The following SLCO1A2 variants were observed in gnomAD, a reference collection of about 807,000 sequenced individuals.
SLCO1A2 encodes the protein solute carrier organic anion transporter family member 1A2.
A neutral mutation model predicts 69.0 loss-of-function variants in SLCO1A2; 67 were observed. The observed-to-expected ratio is 0.97, with a 90% CI of 0.80 to 1.19. The LOEUF (loss-of-function observed/expected upper bound fraction) is 1.19, where lower values mean the gene tolerates loss of function less well. SLCO1A2 is among the 50% of genes most tolerant of loss of function. The pLI, the probability that SLCO1A2 is intolerant of heterozygous loss-of-function variation, is 0.00. For missense variants in SLCO1A2, 787 were observed against 793.7 expected (o/e 0.99, Z 0.10); for synonymous variants, 260 against 265.9 (o/e 0.98, Z 0.22).
intron 2 of SLCO1A2, among the ~76,000 whole-genome samples, chr12:21,342,828 T>C (rs890300953): frequency 4.3e-4 from 65 of 151,992 alleles, no homozygotes; most frequent in African/African-American, 1.5e-3. Context: ...ACTGAATATA[T>C]GGGATGAAAG....
At chr12:21,321,030 G>A (rs1951541564) in intron 2 of SLCO1A2, among the ~76,000 whole-genome samples, 1 of 152,098 alleles carries the variant, frequency 6.6e-6, no homozygotes, top group African/African-American at 2.4e-5. Context: ...CTACAGGCTG[G>A]TGTTTCTTGA....
At chr12:21,406,551 T>C (rs1395668895) in intron 1 of SLCO1A2, among the ~76,000 whole-genome samples, 1 of 152,160 alleles carries the variant, frequency 6.6e-6, no homozygotes, top group African/African-American at 2.4e-5. Flanking sequence ...GAGTTAACAG[T>C]TGTTGAATAT....
At chr12:21,393,863 A>G (rs1941285076) in intron 1 of SLCO1A2, among the ~76,000 whole-genome samples, 1 of 152,248 alleles carries the variant, frequency 6.6e-6, no homozygotes, top group African/African-American at 2.4e-5. Context: ...TTGCAACACA[A>G]TTTGAATTTT....
At chr12:21,290,579 T>C (rs1352189287) in intron 12 of SLCO1A2, among the ~76,000 whole-genome samples, 1 of 152,162 alleles carries the variant, frequency 6.6e-6, no homozygotes, top group Non-Finnish European at 1.5e-5. Flanking sequence ...CACTATGATT[T>C]TGGAAAACAA....
At chr12:21,311,425 AT>A (rs1565490608) in intron 4 of SLCO1A2, among the ~76,000 whole-genome samples, 1 of 151,972 alleles carries the variant, frequency 6.6e-6, no homozygotes, top group Non-Finnish European at 1.5e-5. Context: ...ATCACTATTT[AT>A]AACAGCAATA....
chr12:21,295,988 T>C (rs1310708894), intron 9 of SLCO1A2, among the ~76,000 whole-genome samples, 196 bp from the exon 10 acceptor site: 1 of 152,144 alleles, frequency 6.6e-6, no homozygotes, highest in Non-Finnish European at 1.5e-5. Flanking sequence ...AATGGGGAAG[T>C]ATATTTTGGG....
intron 1 of SLCO1A2, among the ~76,000 whole-genome samples, chr12:21,401,141 A>G (rs943957572): frequency 2.6e-5 from 4 of 152,058 alleles, no homozygotes; most frequent in African/African-American, 9.7e-5. Flanking sequence ...AGAAAATGAG[A>G]AAATGAAAAT....
In SLCO1A2 at chr12:21,269,562, T is replaced by C. The variant is rs994316244; in HGVS notation, c.1999A>G (p.Lys667Glu). The change falls in exon 15 of 15, where the codon AAA becomes GAA. Residue 667 changes from lysine to glutamate, a missense_variant. Physicochemically the swap from Lys to Glu is moderately conservative, Grantham distance 56. Coordinates refer to ENST00000683939, the MANE Select transcript of SLCO1A2 (RefSeq NM_001386879.1). ...TAATAGGACAATTACAATTTAGTTT[T>C]CAATTCATCATCTTTCAAAACCGTG... ...KSTVLKDDEL[K>E]TKL The C allele has an allele frequency of 1.2e-6, 2 of 1,610,002 alleles. No homozygotes were observed. The highest frequency in any genetic ancestry group is 1.3e-5 in the African/African-American group (1 of 74,728).
intron 2 of SLCO1A2, among the ~76,000 whole-genome samples, chr12:21,320,363 C>T (rs1471463904): frequency 6.6e-6 from 1 of 152,150 alleles, no homozygotes; most frequent in East Asian, 1.9e-4. Flanking sequence ...TTGCCTATGT[C>T]TTTAGAAAGA....
intron 12 of SLCO1A2, among the ~76,000 whole-genome samples, chr12:21,291,340 C>T (rs1180389253): frequency 3.9e-5 from 6 of 152,086 alleles, no homozygotes; most frequent in South Asian, 2.1e-4. Context: ...ATATTTAAGA[C>T]ATCTATCTGT....
chr12:21,296,974 C>A (rs931411964), intron 9 of SLCO1A2, among the ~76,000 whole-genome samples: 9 of 152,136 alleles, frequency 5.9e-5, no homozygotes, highest in Non-Finnish European at 8.8e-5. Flanking sequence ...GCTGCAGAGA[C>A]ACCTAAAACC....
At chr12:21,346,174 A>G (rs1433130890) in intron 2 of SLCO1A2, among the ~76,000 whole-genome samples, 2 of 152,178 alleles carry the variant, frequency 1.3e-5, no homozygotes, top group Admixed American at 1.3e-4. Context: ...TACTCATTTA[A>G]TATAGTAAAT....
rs904770484 is a variant in SLCO1A2 at position 21,289,274 on chromosome 12, G to A, written c.1610+2890C>T. 6.6e-5 allele frequency among the ~76,000 whole-genome samples: 10 copies of A among 150,744 alleles called. No homozygotes were observed. The East Asian group carries it at 1.4e-3, about 21-fold the overall frequency. ...GGTCTTTGTCCCTAGCTTCTGACAC[G>A]TGTCCTTGGAGTTCTTAGAATTCCC... On this transcript the variant is annotated intron_variant, in intron 12 of 14. Coordinates refer to ENST00000683939, the MANE Select transcript of SLCO1A2 (RefSeq NM_001386879.1).
At chr12:21,409,557 T>C (rs1488187962) in intron 1 of SLCO1A2, among the ~76,000 whole-genome samples, 1 of 152,188 alleles carries the variant, frequency 6.6e-6, no homozygotes, top group Non-Finnish European at 1.5e-5. Flanking sequence ...ATGGAAAAAT[T>C]TGCTGATCTC....
intron 12 of SLCO1A2, among the ~76,000 whole-genome samples, chr12:21,290,053 C>T (rs867912835): frequency 2.7e-5 from 4 of 149,654 alleles, no homozygotes; most frequent in Non-Finnish European, 5.9e-5. Flanking sequence ...ATCTGTGTGG[C>T]TGTATGTACA....
At chr12:21,378,034 A>G (rs900355398) in intron 1 of SLCO1A2, among the ~76,000 whole-genome samples, 1 of 152,342 alleles carries the variant, frequency 6.6e-6, no homozygotes, top group Non-Finnish European at 1.5e-5. Context: ...CTGTAATGAA[A>G]GATGTTGTAT....
At chr12:21,379,460 A>G (rs760757508) in intron 1 of SLCO1A2, 4 of 152,250 alleles carry the variant, frequency 2.6e-5, no homozygotes, top group Non-Finnish European at 5.9e-5. Context: ...CGTGTCTTCA[A>G]TTAAAAGACC....
intron 12 of SLCO1A2, among the ~76,000 whole-genome samples, chr12:21,279,523 C>T (rs1164549363): frequency 2.0e-5 from 3 of 152,150 alleles, no homozygotes; most frequent in Non-Finnish European, 4.4e-5. Context: ...TCGGTGGAAA[C>T]CTTACAGGCC....
chr12:21,333,878 G>T (rs1298000957), intron 2 of SLCO1A2, among the ~76,000 whole-genome samples: 1 of 151,834 alleles, frequency 6.6e-6, no homozygotes, highest in Non-Finnish European at 1.5e-5. Flanking sequence ...CTCCAATTTT[G>T]TATACATGTT....
Sources: gnomAD v4.1 joint callset for allele counts (sites outside exome capture counted in the v4.1 genomes callset) on GRCh38, gnomAD v4.1.1 for gene constraint, MANE v1.5 for transcripts, NCBI Gene and HGNC (gene_info 2026-07-23, HGNC 2026-07-21) for gene names.